RNLS: variants seen among roughly 807,000 people sequenced by gnomAD.
RNLS encodes the protein renalase, FAD dependent amine oxidase, also known as renalase.
Under a neutral mutation model 39.8 loss-of-function variants are expected in RNLS, and 39 were observed. The observed-to-expected ratio is 0.98, with a 90% CI of 0.76 to 1.28. The LOEUF (loss-of-function observed/expected upper bound fraction) is 1.28, where lower values mean the gene tolerates loss of function less well. RNLS is among the 50% of genes most tolerant of loss of function. The probability of loss-of-function intolerance (pLI) is 0.00; values close to 1 mark genes in which losing one functional copy is unlikely to be tolerated. For missense variants in RNLS, 410 were observed against 413.3 expected (o/e 0.99, Z 0.07); for synonymous variants, 147 against 150.7 (o/e 0.98, Z 0.18).
In RNLS at chr10:88,540,103, A is replaced by C. The variant is rs148162487; in HGVS notation, c.526+32800T>G. On this transcript the variant is annotated intron_variant, in intron 4 of 6. Transcript: ENST00000331772. ...TTTTCTATTTTGTGACCTTGTTAAC[A>C]CATTTTTATAACTAAAGGATATAGT... 1.9e-3 allele frequency among the ~76,000 whole-genome samples: 288 copies of C among 152,266 alleles called. 2 individuals are homozygous for C. The highest frequency in any genetic ancestry group is 6.7e-3 in the African/African-American group (277 of 41,570).
At chr10:88,406,108 G>C (rs1466851175) in intron 4 of RNLS, among the ~76,000 whole-genome samples, 3 of 152,064 alleles carry the variant, frequency 2.0e-5, no homozygotes, top group Admixed American at 2.0e-4. Flanking sequence ...AATCTGATAG[G>C]TTTTCCTGTA....
At chr10:88,440,813 C>T (rs1205761070) in intron 4 of RNLS, among the ~76,000 whole-genome samples, 1 of 152,182 alleles carries the variant, frequency 6.6e-6, no homozygotes, top group Non-Finnish European at 1.5e-5. Context: ...TATGACCCTG[C>T]CTGGCTGAGA....
downstream of RNLS, among the ~76,000 whole-genome samples, chr10:88,281,965 CAAA>C (rs913691540): frequency 6.6e-6 from 1 of 151,972 alleles, no homozygotes; most frequent in Non-Finnish European, 1.5e-5. Flanking sequence ...AACAAAGAAA[CAAA>C]GAGGAATCAG....
chr10:88,226,307 A>G, the RNLS span, among the ~76,000 whole-genome samples: 45 of 152,208 alleles, frequency 3.0e-4, no homozygotes, highest in Admixed American at 2.0e-3. Context: ...ATAAACAACT[A>G]GACTCAGAGA....
chr10:88,562,300 A>G (rs1373113228), intron 4 of RNLS, among the ~76,000 whole-genome samples: 2 of 152,208 alleles, frequency 1.3e-5, no homozygotes, highest in African/African-American at 4.8e-5. Flanking sequence ...TCCATAGATA[A>G]ACAAGAGATG....
intron 4 of RNLS, among the ~76,000 whole-genome samples, chr10:88,455,050 G>C (rs750182120): frequency 6.6e-6 from 1 of 152,176 alleles, no homozygotes; most frequent in Non-Finnish European, 1.5e-5. Flanking sequence ...CATATGTTCT[G>C]TTCTCAAGAA....
At chr10:88,359,877 C>T (rs912962632) in intron 5 of RNLS, among the ~76,000 whole-genome samples, 2 of 152,200 alleles carry the variant, frequency 1.3e-5, no homozygotes, top group African/African-American at 4.8e-5. Flanking sequence ...TATGACTCTG[C>T]TATTTCTTTC....
At chr10:88,479,575 A>G (rs1746945042) in intron 4 of RNLS, among the ~76,000 whole-genome samples, 1 of 152,112 alleles carries the variant, frequency 6.6e-6, no homozygotes. Context: ...CATCATCATC[A>G]TCATCATTGG....
chr10:88,336,619 T>C, intron 5 of RNLS, among the ~76,000 whole-genome samples: 1 of 152,230 alleles, frequency 6.6e-6, no homozygotes, highest in East Asian at 1.9e-4. Context: ...GAAATAATCT[T>C]CCAGTAAACA....
chr10:88,300,467 C>G (rs1844434110), intron 6 of RNLS, among the ~76,000 whole-genome samples: 1 of 152,196 alleles, frequency 6.6e-6, no homozygotes, highest in African/African-American at 2.4e-5. Context: ...TACATGTGTT[C>G]TTGGAACACT....
chr10:88,537,505 G>C (rs929950930), intron 4 of RNLS, among the ~76,000 whole-genome samples: 1 of 152,164 alleles, frequency 6.6e-6, no homozygotes, highest in Non-Finnish European at 1.5e-5. Flanking sequence ...CATACCATGT[G>C]GTACTGCACA....
intron 4 of RNLS, among the ~76,000 whole-genome samples, chr10:88,410,873 T>A (rs956005328): frequency 2.6e-5 from 4 of 152,260 alleles, no homozygotes; most frequent in African/African-American, 9.6e-5. Flanking sequence ...GTTTGAGACT[T>A]AACAATACAA....
intron 4 of RNLS, among the ~76,000 whole-genome samples, chr10:88,524,979 A>ATG (rs1847020051): frequency 7.5e-6 from 1 of 134,040 alleles, no homozygotes; most frequent in Non-Finnish European, 1.6e-5. Flanking sequence ...ATATATATAT[A>ATG]TATATATATA....
chr10:88,413,711 G>A (rs1309899888), intron 4 of RNLS, among the ~76,000 whole-genome samples: 1 of 152,158 alleles, frequency 6.6e-6, no homozygotes, highest in East Asian at 1.9e-4. Context: ...GATATCTTCA[G>A]TGGTTCTTTG....
chr10:88,388,313 C>T (rs1463830455), intron 4 of RNLS, among the ~76,000 whole-genome samples: 1 of 152,210 alleles, frequency 6.6e-6, no homozygotes, highest in Non-Finnish European at 1.5e-5. Context: ...ACTGCAATAA[C>T]TTGCTATTTG....
At chr10:88,407,696 T>G (rs1403167876) in intron 4 of RNLS, among the ~76,000 whole-genome samples, 3 of 152,076 alleles carry the variant, frequency 2.0e-5, no homozygotes, top group Middle Eastern at 3.2e-3. Flanking sequence ...CCTACTACAG[T>G]TGCTGGCCTA....
chr10:88,279,395 G>T (rs1842929243), downstream of RNLS, among the ~76,000 whole-genome samples: 1 of 152,118 alleles, frequency 6.6e-6, no homozygotes, highest in East Asian at 1.9e-4. Context: ...CACTTTGCAT[G>T]TACATACTAT....
chr10:88,561,515 CA>C (rs765617400), intron 4 of RNLS, among the ~76,000 whole-genome samples: 7 of 151,978 alleles, frequency 4.6e-5, no homozygotes, highest in Non-Finnish European at 8.8e-5. Flanking sequence ...AGACAAAAAA[CA>C]AAGCTAGATA....
chr10:88,469,045 G>A (rs531318606), intron 4 of RNLS, among the ~76,000 whole-genome samples: 24 of 152,254 alleles, frequency 1.6e-4, no homozygotes, highest in African/African-American at 5.3e-4. Context: ...TAAAAAATGT[G>A]AGAGTGGATA....
Sources: allele counts gnomAD v4.1 joint callset (sites outside exome capture counted in the v4.1 genomes callset), GRCh38; gene constraint gnomAD v4.1.1; transcripts MANE v1.5; gene names NCBI Gene and HGNC (gene_info 2026-07-23, HGNC 2026-07-21).